Variants in CNTNAP2 observed in about 807,000 individuals in gnomAD.
CNTNAP2 encodes the protein contactin associated protein 2.
In CNTNAP2, 98 loss-of-function variants were observed where a neutral mutation model predicts 155.2. The ratio of observed to expected loss-of-function variants is 0.63; its 90% CI spans 0.54 to 0.75. The LOEUF (loss-of-function observed/expected upper bound fraction) is 0.75, where lower values mean the gene tolerates loss of function less well. Ranked by LOEUF, CNTNAP2 falls within the 30% of genes least tolerant of loss-of-function variation. CNTNAP2 has a pLI of 0.00. For synonymous variants in CNTNAP2, 651 were observed against 631.2 expected (o/e 1.03, Z -0.47); for missense variants, 1,727 against 1,688.1 (o/e 1.02, Z -0.40).
chr7:148,170,371 G>C (rs1449728348), intron 17 of CNTNAP2, among the ~76,000 whole-genome samples: 1 of 152,178 alleles, frequency 6.6e-6, no homozygotes, highest in Non-Finnish European at 1.5e-5. Flanking sequence ...TAAAATAATA[G>C]AAGCCAAATT....
intron 14 of CNTNAP2, among the ~76,000 whole-genome samples, chr7:147,956,928 C>T (rs372573395): frequency 9.2e-5 from 14 of 152,250 alleles, no homozygotes; most frequent in Admixed American, 2.0e-4. Context: ...GGTCTGAGGA[C>T]CCAGGTGATA....
At chr7:146,566,941 ATTTATTT>A (rs1342678765) in intron 1 of CNTNAP2, among the ~76,000 whole-genome samples, 1 of 152,070 alleles carries the variant, frequency 6.6e-6, no homozygotes, top group Non-Finnish European at 1.5e-5. Context: ...TTATTTACTT[ATTTATTT>A]TTTATTTTTT....
intron 15 of CNTNAP2, among the ~76,000 whole-genome samples, chr7:148,060,908 A>G (rs900419459): frequency 2.0e-5 from 3 of 152,238 alleles, no homozygotes; most frequent in South Asian, 4.1e-4. Context: ...CAGCAAGTGA[A>G]ATAAAAATAG....
rs548113424 is a variant in CNTNAP2, at chr7:147,687,477, G to A, written c.2098+48171G>A. On this transcript the variant is annotated intron_variant, in intron 13 of 23. Transcript: ENST00000361727. Reference sequence around the variant, plus strand: ...AAGTGTAGAAGCTTAAGAAGGAAATGTTAGGCAATAGTAATCAAGGAAAAG... The same window carrying A: ...AAGTGTAGAAGCTTAAGAAGGAAATATTAGGCAATAGTAATCAAGGAAAAG... Among the ~76,000 whole-genome samples, 8 of 152,184 alleles carry A rather than the reference G, an allele frequency of 5.3e-5. No individual in the cohort carries two copies. In the South Asian group the frequency reaches 1.2e-3, roughly 24 times the overall value.
At chr7:146,885,077 A>G (rs1270875554) in intron 3 of CNTNAP2, among the ~76,000 whole-genome samples, 1 of 152,146 alleles carries the variant, frequency 6.6e-6, no homozygotes, top group African/African-American at 2.4e-5. Context: ...ATATGTTTAC[A>G]TGTTAGATGA....
intron 1 of CNTNAP2, among the ~76,000 whole-genome samples, chr7:146,683,935 A>C (rs190552597): frequency 7.9e-4 from 120 of 152,302 alleles, no homozygotes; most frequent in African/African-American, 2.7e-3. Flanking sequence ...TCCTGTAAAT[A>C]GTCATAGCAG....
chr7:146,741,866 T>C (rs1266526601), intron 1 of CNTNAP2, among the ~76,000 whole-genome samples: 2 of 152,016 alleles, frequency 1.3e-5, no homozygotes. Flanking sequence ...TACCGAAGGA[T>C]GGAGCTAGAG....
chr7:147,098,251 C>A (rs1012583795), intron 4 of CNTNAP2, among the ~76,000 whole-genome samples: 1 of 152,118 alleles, frequency 6.6e-6, no homozygotes, highest in Non-Finnish European at 1.5e-5. Context: ...CACACATGGG[C>A]CCTCAGCTTC....
chr7:146,822,256 G>A (rs1463458632), intron 2 of CNTNAP2, among the ~76,000 whole-genome samples: 1 of 152,052 alleles, frequency 6.6e-6, no homozygotes, highest in Non-Finnish European at 1.5e-5. Context: ...TCACTCATAT[G>A]TGGGAATTGA....
At chr7:146,451,880 C>CATACGTGTATGTATGTATATAT (rs71175650) in intron 1 of CNTNAP2, among the ~76,000 whole-genome samples, 3 of 106,248 alleles carry the variant, frequency 2.8e-5, no homozygotes, top group African/African-American at 1.9e-4. Context: ...CGTATATATA[C>CATACGTGTATGTATGTATATAT]ACATATACAT....
intron 12 of CNTNAP2, among the ~76,000 whole-genome samples, chr7:147,628,403 G>A (rs1161320122): frequency 6.6e-6 from 1 of 152,088 alleles, no homozygotes; most frequent in Non-Finnish European, 1.5e-5. Context: ...ATGAAGGAGA[G>A]ATAAAGTCTT....
At chr7:148,396,021 C>T (rs1799459812) in intron 22 of CNTNAP2, among the ~76,000 whole-genome samples, 1 of 152,166 alleles carries the variant, frequency 6.6e-6, no homozygotes, top group Non-Finnish European at 1.5e-5. Flanking sequence ...CCGACCCCCA[C>T]CCCACCTGGC....
At chr7:147,761,034 T>A (rs548790267) in intron 13 of CNTNAP2, among the ~76,000 whole-genome samples, 1 of 152,320 alleles carries the variant, frequency 6.6e-6, no homozygotes, top group African/African-American at 2.4e-5. Flanking sequence ...GCTGGCATTA[T>A]AGTATATGGC....
intron 13 of CNTNAP2, among the ~76,000 whole-genome samples, chr7:147,795,319 G>C (rs142582761): frequency 2.4e-4 from 36 of 151,676 alleles, no homozygotes; most frequent in African/African-American, 8.7e-4. Flanking sequence ...TAATTAGATT[G>C]TTTAATCTAT....
intron 1 of CNTNAP2, among the ~76,000 whole-genome samples, chr7:146,244,858 T>G (rs1038099977): frequency 6.6e-6 from 1 of 152,062 alleles, no homozygotes; most frequent in African/African-American, 2.4e-5. Context: ...TAAGAGGTAT[T>G]TTAGTTATCT....
At chr7:146,691,168 G>T (rs1800691726) in intron 1 of CNTNAP2, among the ~76,000 whole-genome samples, 1 of 151,462 alleles carries the variant, frequency 6.6e-6, no homozygotes, top group South Asian at 2.1e-4. Flanking sequence ...TTTCCATTGG[G>T]TAATCACCTT....
At chr7:146,792,639 G>A (rs2129189400) in intron 2 of CNTNAP2, among the ~76,000 whole-genome samples, 1 of 152,306 alleles carries the variant, frequency 6.6e-6, no homozygotes, top group East Asian at 1.9e-4. Flanking sequence ...TCATTTGCAT[G>A]TGGGATTAAA....
chr7:148,014,668 A>G (rs1802143609), intron 15 of CNTNAP2, among the ~76,000 whole-genome samples: 1 of 152,250 alleles, frequency 6.6e-6, no homozygotes, highest in African/African-American at 2.4e-5. Flanking sequence ...TGATATAAAG[A>G]GCTCGAAGAA....
In CNTNAP2 at chr7:148,322,541, A is replaced by G. The variant is rs143731164; in HGVS notation, c.3475+55415A>G. ...ATAACTAAAACTGGATGCTAAAGAAATAGCCCTCTCTTAAAGTTGTACTTG... is the reference window on the plus strand; with the variant it reads ...ATAACTAAAACTGGATGCTAAAGAAGTAGCCCTCTCTTAAAGTTGTACTTG... On this transcript the variant is annotated intron_variant, in intron 21 of 23. Transcript: ENST00000361727. Among the ~76,000 whole-genome samples, 172 of 152,310 alleles carry G rather than the reference A, an allele frequency of 1.1e-3. 2 individuals carry two copies. The Middle Eastern group carries it at 0.017, about 15-fold the overall frequency.
Sources: allele counts gnomAD v4.1 joint callset (sites outside exome capture counted in the v4.1 genomes callset), GRCh38; gene constraint gnomAD v4.1.1; transcripts MANE v1.5; gene names NCBI Gene and HGNC (gene_info 2026-07-23, HGNC 2026-07-21).